PAK5: variants seen among roughly 807,000 people sequenced by gnomAD.
PAK5 encodes the protein serine/threonine-protein kinase PAK 5.
In PAK5, 16 loss-of-function variants were observed where a neutral mutation model predicts 65.9. The observed-to-expected ratio is 0.24, with a 90% CI of 0.16 to 0.37. The LOEUF (loss-of-function observed/expected upper bound fraction) is 0.37. Ranked by LOEUF, PAK5 falls within the 10% of genes least tolerant of loss-of-function variation. PAK5 has a pLI of 1.00. For missense variants in PAK5, 785 were observed against 903.9 expected, an observed-to-expected ratio of 0.87 and a Z score of 1.69; for synonymous variants, 371 against 354.9, an observed-to-expected ratio of 1.05 and a Z score of -0.51.
chr20:9,565,897 T>C lies in PAK5; in HGVS notation c.1478A>G (p.Asn493Ser), dbSNP rs778882481. 8.1e-6 allele frequency: 13 copies of C among 1,611,608 alleles called. No individual in the cohort carries two copies. In the East Asian group the frequency reaches 8.9e-5, roughly 11 times the overall value. ...TGACCCAAACACACTCTTTACCTCATTGAAAAGCAGTTCTCGTCTCTGTTG... is the reference window on the plus strand; with the variant it reads ...TGACCCAAACACACTCTTTACCTCACTGAAAAGCAGTTCTCGTCTCTGTTG... ...RKQQRRELLF[N>S]EVVIMRDYHH... Residue 493 changes from asparagine to serine, a missense_variant, in exon 5 of 10, where the codon AAT (asparagine) becomes AGT (serine). Asn to Ser is a conservative substitution (Grantham distance 46, BLOSUM62 1). Coordinates refer to ENST00000353224, the MANE Select transcript of PAK5 (RefSeq NM_177990.4).
At chr20:9,599,948 G>T (rs913469445) in intron 3 of PAK5, among the ~76,000 whole-genome samples, 1 of 151,874 alleles carries the variant, frequency 6.6e-6, no homozygotes, top group Non-Finnish European at 1.5e-5. Context: ...TGAAGCTTCC[G>T]CCATGTTTCC....
In PAK5 at chr20:9,681,422, T is replaced by G. The variant is rs546782231; in HGVS notation, c.-12+29864A>C. On this transcript the variant is annotated intron_variant, in intron 2 of 9. Transcript: ENST00000353224. ...ACGGGTTAAAATAAACTATCTTGCT[T>G]AAAAGATGTTTCCCCCAACTTGTCC... Among the ~76,000 whole-genome samples the G allele has an allele frequency of 2.6e-5, 4 of 152,272 alleles. No individual in the cohort carries two copies. The East Asian group carries it at 7.7e-4, about 29-fold the overall frequency.
chr20:9,546,132 C>T (rs774758632), intron 7 of PAK5, among the ~76,000 whole-genome samples: 76 of 152,212 alleles, frequency 5.0e-4, no homozygotes, highest in Middle Eastern at 3.4e-3. Context: ...ATTCCCCCTG[C>T]CACACATGTT....
intron 2 of PAK5, among the ~76,000 whole-genome samples, chr20:9,648,218 T>G (rs1029376603): frequency 6.6e-6 from 1 of 152,050 alleles, no homozygotes; most frequent in African/African-American, 2.4e-5. Flanking sequence ...AAATTAGCAG[T>G]GGGAAAAGGT....
intron 2 of PAK5, among the ~76,000 whole-genome samples, chr20:9,676,749 A>G (rs6118699): frequency 0.19 from 28,495 of 152,082 alleles, 2,877 homozygotes; most frequent in East Asian, 0.36. Flanking sequence ...TGGCTTTGAT[A>G]TGAAATCATC....
chr20:9,612,836 T>A (rs2046588426), intron 3 of PAK5, among the ~76,000 whole-genome samples: 1 of 152,188 alleles, frequency 6.6e-6, no homozygotes, highest in African/African-American at 2.4e-5. Flanking sequence ...TTTTTCCCCT[T>A]TTCTCTAGTT....
intron 1 of PAK5, among the ~76,000 whole-genome samples, chr20:9,781,864 A>G (rs1387140330): frequency 6.6e-6 from 1 of 152,140 alleles, no homozygotes; most frequent in Non-Finnish European, 1.5e-5. Context: ...CTGCATCAAT[A>G]TAAATGTATT....
intron 1 of PAK5, among the ~76,000 whole-genome samples, chr20:9,744,430 C>T (rs1190709180): frequency 6.6e-6 from 1 of 152,198 alleles, no homozygotes; most frequent in East Asian, 1.9e-4. Context: ...AGAGCTAGAT[C>T]ATTTAAGCTC....
At chr20:9,584,650 G>C (rs990189645) in intron 3 of PAK5, among the ~76,000 whole-genome samples, 2 of 152,186 alleles carry the variant, frequency 1.3e-5, no homozygotes, top group African/African-American at 4.8e-5. Context: ...TGGCCTTCAA[G>C]CCCTCTTAGA....
At chr20:9,799,130 A>G (rs188984341) in intron 1 of PAK5, among the ~76,000 whole-genome samples, 3 of 152,320 alleles carry the variant, frequency 2.0e-5, no homozygotes, top group Admixed American at 6.5e-5. Context: ...AGCCACTTTT[A>G]GAAAAAATAC....
At chr20:9,784,273 C>G (rs1444645822) in intron 1 of PAK5, 1 of 152,132 alleles carries the variant, frequency 6.6e-6, no homozygotes, top group Non-Finnish European at 1.5e-5. Context: ...TTGGGAATGA[C>G]AGTAGCTTCA....
At chr20:9,568,887 C>T (rs905792838) in intron 4 of PAK5, among the ~76,000 whole-genome samples, 6 of 152,128 alleles carry the variant, frequency 3.9e-5, no homozygotes, top group African/African-American at 1.4e-4. Context: ...CAGCAAGAAA[C>T]TGAGGACTCC....
intron 1 of PAK5, among the ~76,000 whole-genome samples, chr20:9,836,676 A>T (rs1372613959): frequency 1.3e-5 from 2 of 152,166 alleles, no homozygotes; most frequent in African/African-American, 4.8e-5. Flanking sequence ...CTAGGAAACT[A>T]ATATAGTTGG....
chr20:9,707,821 C>G (rs2048027789), intron 2 of PAK5, among the ~76,000 whole-genome samples: 1 of 152,144 alleles, frequency 6.6e-6, no homozygotes, highest in African/African-American at 2.4e-5. Context: ...TGAGACTATT[C>G]AGCCCCAGCC....
At chr20:9,680,211 C>G (rs2047630979) in intron 2 of PAK5, among the ~76,000 whole-genome samples, 2 of 152,194 alleles carry the variant, frequency 1.3e-5, no homozygotes, top group Non-Finnish European at 2.9e-5. Context: ...AGCATAGTCT[C>G]TACCATCAAA....
intron 1 of PAK5, among the ~76,000 whole-genome samples, chr20:9,827,720 G>T (rs1198683370): frequency 6.6e-6 from 1 of 152,164 alleles, no homozygotes; most frequent in Non-Finnish European, 1.5e-5. Context: ...AAGAATGAAA[G>T]AGAACAGATA....
At chr20:9,637,989 G>A (rs2047003238) in intron 3 of PAK5, among the ~76,000 whole-genome samples, 1 of 152,110 alleles carries the variant, frequency 6.6e-6, no homozygotes, top group African/African-American at 2.4e-5. Flanking sequence ...AGTTCTTAAA[G>A]TACATCTATC....
intron 9 of PAK5, among the ~76,000 whole-genome samples, chr20:9,541,034 C>T (rs533299710): frequency 6.6e-6 from 1 of 152,316 alleles, no homozygotes; most frequent in South Asian, 2.1e-4. Context: ...CCACACCCAG[C>T]CACTTTTCAT....
chr20:9,651,565 A>G (rs140143500), intron 2 of PAK5, among the ~76,000 whole-genome samples: 25 of 152,362 alleles, frequency 1.6e-4, no homozygotes, highest in African/African-American at 6.0e-4. Context: ...TGGTCACACG[A>G]AAGTGTGAAT....
Sources: allele counts gnomAD v4.1 joint callset (sites outside exome capture counted in the v4.1 genomes callset), GRCh38; gene constraint gnomAD v4.1.1; transcripts MANE v1.5; gene names NCBI Gene and HGNC (gene_info 2026-07-23, HGNC 2026-07-21).